Variants in DNAAF5 observed in about 807,000 individuals in gnomAD.
DNAAF5 encodes the protein dynein axonemal assembly factor 5.
Under a neutral mutation model 75.8 loss-of-function variants are expected in DNAAF5, and 64 were observed. That is an observed-to-expected ratio of 0.84 (90% CI 0.69 to 1.04). The LOEUF is 1.04. Ranked by LOEUF, DNAAF5 falls within the 50% of genes least tolerant of loss-of-function variation. The pLI is 0.00. For synonymous variants in DNAAF5, 657 were observed against 557.2 expected (o/e 1.18, Z -2.52); for missense variants, 1,269 against 1,178.5 (o/e 1.08, Z -1.12).
At position 763,814 on chromosome 7, in the gene DNAAF5, G is replaced by A. The variant is rs1562391936; in HGVS notation, c.1623G>A (p.Glu541=). 1 of 1,613,352 alleles carries A rather than the reference G, an allele frequency of 6.2e-7. No individual in the cohort carries two copies. The highest frequency in any genetic ancestry group is 8.5e-7 in the Non-Finnish European group (1 of 1,180,016). Residue 541 remains glutamate (E), a synonymous_variant, in exon 8 of 13, where the codon GAG becomes GAA. Coordinates refer to ENST00000297440, the MANE Select transcript of DNAAF5 (RefSeq NM_017802.4). Reference sequence around the variant, plus strand: ...TGACTTGTAACCTCCAGGCACAGGAGACGATGGACTCACTGGCCATGGTGG... The same window carrying A: ...TGACTTGTAACCTCCAGGCACAGGAAACGATGGACTCACTGGCCATGGTGG... The part of the protein sequence containing the change: ...GATGLRDKAQ[E]TMDSLAMVEG...
At position 761,910 on chromosome 7, in the gene DNAAF5, T is replaced by C; in HGVS notation, c.1614+14T>C. 6.4e-7 allele frequency: 1 copy of C among 1,560,176 alleles called. No individual in the cohort carries two copies. The highest frequency in any genetic ancestry group is 1.2e-5 in the South Asian group (1 of 84,604). On this transcript the variant is annotated intron_variant, in intron 7 of 12. Coordinates refer to ENST00000297440, the MANE Select transcript of DNAAF5 (RefSeq NM_017802.4). ...CTGAGGGACAAGGTAAGGCTGACAG[T>C]GGTGGCTGCTGCTTGACCTAGCGGA...
At chr7:727,843 C>T (rs974692117) in intron 1 of DNAAF5, among the ~76,000 whole-genome samples, 38 of 150,392 alleles carry the variant, frequency 2.5e-4, no homozygotes, top group African/African-American at 9.3e-4. Context: ...CACCCGGGCC[C>T]ACGAGCCAGC....
chr7:782,809 C>T (rs938519009), intron 12 of DNAAF5, among the ~76,000 whole-genome samples: 1 of 151,534 alleles, frequency 6.6e-6, no homozygotes, highest in Non-Finnish European at 1.5e-5. Flanking sequence ...GAAACTCGGT[C>T]TTCCTGCCAT....
chr7:757,098 T>G (rs1488468494), intron 6 of DNAAF5, 104 bp downstream of exon 6: 1 of 1,171,228 alleles, frequency 8.5e-7, no homozygotes, highest in African/African-American at 1.5e-5. Flanking sequence ...GCCGCCAGGC[T>G]GGGCTGTCGG....
At chr7:733,805 A>T (rs564275583) in intron 2 of DNAAF5, among the ~76,000 whole-genome samples, 58 of 152,216 alleles carry the variant, frequency 3.8e-4, no homozygotes, top group East Asian at 2.7e-3. Flanking sequence ...TATAGTTTTC[A>T]TTGTAGAGAT....
At chr7:732,306 G>C (rs111944919) in intron 2 of DNAAF5, among the ~76,000 whole-genome samples, 100 of 152,360 alleles carry the variant, frequency 6.6e-4, no homozygotes, top group African/African-American at 2.3e-3. Context: ...CCAGAACCCC[G>C]GCGAGGCAGG....
intron 4 of DNAAF5, among the ~76,000 whole-genome samples, chr7:753,784 CATCAT>C (rs1240173383): frequency 1.6e-5 from 2 of 127,978 alleles, no homozygotes; most frequent in Middle Eastern, 7.7e-3. Context: ...GTGTCTCTCT[CATCAT>C]ATGGCGATGG....
At chr7:774,446 G>A (rs937253653) in intron 10 of DNAAF5, among the ~76,000 whole-genome samples, 1 of 152,202 alleles carries the variant, frequency 6.6e-6, no homozygotes. Flanking sequence ...GTCGTGCTGC[G>A]GGTTTTGCAG....
At chr7:777,717 G>A (rs566877153) in intron 11 of DNAAF5, among the ~76,000 whole-genome samples, 5 of 152,164 alleles carry the variant, frequency 3.3e-5, no homozygotes, top group African/African-American at 4.8e-5. Context: ...TGGAGTCATC[G>A]GAACTTCACA....
rs943041075 is a variant in DNAAF5, at chr7:739,622, G to A, written c.781-1197G>A. Among the ~76,000 whole-genome samples the A allele has an allele frequency of 8.5e-5, 13 of 152,324 alleles. No individual in the cohort carries two copies. In the South Asian group the frequency reaches 1.9e-3, roughly 22 times the overall value. On this transcript the variant is annotated intron_variant, in intron 2 of 12. Transcript: ENST00000297440. ...CGAGAGTCGCCTGTGCGCACCGCAC[G>A]GGCAGCGGGAGTCAGGCGCAACGGG...
intron 1 of DNAAF5, 142 bp from the exon 2 acceptor site, chr7:729,521 C>G (rs565091510): frequency 1.4e-6 from 1 of 732,016 alleles, no homozygotes; most frequent in Non-Finnish European, 2.2e-6. Flanking sequence ...GGATTGTGTA[C>G]TGTTCATGCA....
rs1778523380 is a variant in DNAAF5, at chr7:770,559, G to C, written c.1872G>C (p.Lys624Asn). The C allele has an allele frequency of 6.2e-7, 1 of 1,613,960 alleles. No homozygotes were observed. Among genetic ancestry groups the C allele is most frequent in the South Asian group, 1.1e-5 (1 of 91,088 alleles). The change falls in exon 9 of 13, where the codon AAG becomes AAC. Residue 624 changes from lysine to asparagine, a missense_variant. Transcript: ENST00000297440. ...QPSQDPQMRL[K>N]LFSILSTVLL... Reference sequence around the variant, plus strand: ...CCCAAGACCCGCAGATGCGCCTGAAGCTGTTCTCCATCCTGTCCACCGTGC... The same window carrying C: ...CCCAAGACCCGCAGATGCGCCTGAACCTGTTCTCCATCCTGTCCACCGTGC...
intron 9 of DNAAF5, chr7:771,323 G>A (rs1443173184): frequency 1.3e-5 from 2 of 152,298 alleles, no homozygotes; most frequent in African/African-American, 4.8e-5. Flanking sequence ...GCCCCGCCCG[G>A]GTGCCACTGC....
intron 9 of DNAAF5, chr7:772,600 G>A (rs947944179): frequency 1.3e-5 from 2 of 152,384 alleles, no homozygotes; most frequent in South Asian, 2.1e-4. Context: ...CTCGTTCCCC[G>A]GCTCTGCAGC....
chr7:733,536 A>G (rs1781647827), intron 2 of DNAAF5, among the ~76,000 whole-genome samples: 1 of 152,048 alleles, frequency 6.6e-6, no homozygotes, highest in Non-Finnish European at 1.5e-5. Flanking sequence ...TCGCTCTGTC[A>G]TCCAGGGTGG....
At chr7:774,938 G>A in intron 10 of DNAAF5, 68 bp from the exon 11 acceptor site, 1 of 1,433,506 alleles carries the variant, frequency 7.0e-7, no homozygotes, top group East Asian at 2.3e-5. Flanking sequence ...GGAGTGCACG[G>A]ATGGTGAGCA....
At position 726,961 on chromosome 7, in the gene DNAAF5, T is replaced by A. The variant is rs1303155172; in HGVS notation, c.241T>A (p.Leu81Met). 6.8e-6 allele frequency: 9 copies of A among 1,324,296 alleles called. No individual in the cohort carries two copies. Among genetic ancestry groups the A allele is most frequent in the Non-Finnish European group, 8.7e-6 (9 of 1,032,310 alleles). 82.0% of individuals were successfully genotyped at this position (1,324,296 alleles called of 1,614,324 possible). A position where few individuals can be genotyped will look rare whatever the true frequency, so the allele number is the denominator to read the frequency against. Residue 81 changes from leucine to methionine, a missense_variant, in exon 1 of 13, where the codon TTG (leucine) becomes ATG (methionine). Coordinates refer to ENST00000297440, the MANE Select transcript of DNAAF5 (RefSeq NM_017802.4). Reference sequence around the variant, plus strand: ...CTGGGCGCGCCTACTGCTGCCGCGCTTGCTGCGCTGCCTGAGCGACCCCGC... The same window carrying A: ...CTGGGCGCGCCTACTGCTGCCGCGCATGCTGCGCTGCCTGAGCGACCCCGC... The part of the protein sequence containing the change: ...GPWARLLLPR[L>M]LRCLSDPAEG...
intron 9 of DNAAF5, chr7:771,878 C>T (rs1778576759): frequency 2.0e-5 from 3 of 152,158 alleles, no homozygotes; most frequent in Non-Finnish European, 2.9e-5. Flanking sequence ...TTGTGGAAGG[C>T]GGTTGGCGTC....
intron 12 of DNAAF5, among the ~76,000 whole-genome samples, chr7:784,425 C>T (rs541057826): frequency 1.3e-5 from 2 of 152,316 alleles, no homozygotes; most frequent in South Asian, 2.1e-4. Context: ...AGACTGAAGG[C>T]GGAGACCTTG....
Sources: allele counts gnomAD v4.1 joint callset (sites outside exome capture counted in the v4.1 genomes callset), GRCh38; gene constraint gnomAD v4.1.1; transcripts MANE v1.5; gene names NCBI Gene and HGNC (gene_info 2026-07-23, HGNC 2026-07-21).